Variants in KCNH8 observed in about 807,000 individuals in gnomAD.
The protein encoded by KCNH8 is potassium voltage-gated channel subfamily H member 8.
KCNH8 carries 70 observed loss-of-function variants against 103.6 expected under a neutral mutation model. The observed-to-expected ratio is 0.68, with a 90% CI of 0.56 to 0.82. KCNH8 has a LOEUF of 0.82. Ranked by LOEUF, KCNH8 falls within the 40% of genes least tolerant of loss-of-function variation. The probability of loss-of-function intolerance (pLI) is 0.00; values close to 1 mark genes in which losing one functional copy is unlikely to be tolerated. For synonymous variants in KCNH8, 498 were observed against 489.4 expected (o/e 1.02, Z -0.23); for missense variants, 1,217 against 1,329.9 (o/e 0.92, Z 1.32).
At chr3:19,494,020 A>G (rs1395921022) in intron 11 of KCNH8, among the ~76,000 whole-genome samples, 4 of 152,054 alleles carry the variant, frequency 2.6e-5, no homozygotes, top group African/African-American at 9.7e-5. Context: ...TTCACCCTCA[A>G]GTAGGCCCCA....
intron 1 of KCNH8, among the ~76,000 whole-genome samples, chr3:19,151,032 A>C (rs1318463026): frequency 6.6e-6 from 1 of 151,676 alleles, no homozygotes; most frequent in South Asian, 2.1e-4. Flanking sequence ...TTTCTTTTTG[A>C]ATAGCAGGAT....
At chr3:19,503,075 T>A (rs1301785662) in intron 11 of KCNH8, among the ~76,000 whole-genome samples, 3 of 150,860 alleles carry the variant, frequency 2.0e-5, no homozygotes, top group African/African-American at 7.3e-5. Flanking sequence ...TCAAACAAAT[T>A]TACAAGAAAA....
At position 19,533,953 on chromosome 3, in the gene KCNH8, G is replaced by T. The variant is rs765466883; in HGVS notation, c.3178G>T (p.Val1060Leu). The T allele has an allele frequency of 6.2e-7, 1 of 1,614,062 alleles. No homozygotes were observed. The highest frequency in any genetic ancestry group is 1.1e-5 in the South Asian group (1 of 91,086). Residue 1060 changes from valine (V) to leucine (L), a missense_variant, in exon 16 of 16, where the codon GTG becomes TTG. Physicochemically the swap from Val to Leu is conservative, Grantham distance 32 (BLOSUM62 1). This residue lies in a region of KCNH8 where 558 missense variants were observed against 495.8 expected (regional missense o/e 1.13). Transcript: ENST00000328405. ...SEEGSFSQGT[V>L]SSFSLENLPG... is the part of the protein sequence containing the mutation. ...GGAGGGCAGCTTCAGTCAGGGAACT[G>T]TGAGTTCCTTCAGTCTGGAAAACTT...
At chr3:19,308,809 CCTCTCT>C (rs369279999) in intron 3 of KCNH8, among the ~76,000 whole-genome samples, 2 of 100,862 alleles carry the variant, frequency 2.0e-5, no homozygotes, top group Admixed American at 1.9e-4. Context: ...TCCCTTTCTC[CCTCTCT>C]CTCTCTCTCT....
chr3:19,234,431 G>A (rs1035592902), intron 1 of KCNH8, among the ~76,000 whole-genome samples: 10 of 152,234 alleles, frequency 6.6e-5, no homozygotes, highest in Non-Finnish European at 1.2e-4. Flanking sequence ...CCTGCCCCGC[G>A]AGAAGCCAGC....
chr3:19,287,029 C>T (rs1170881810), intron 3 of KCNH8, among the ~76,000 whole-genome samples: 1 of 151,486 alleles, frequency 6.6e-6, no homozygotes, highest in Non-Finnish European at 1.5e-5. Context: ...GGCAAATAGA[C>T]ATGAGGGTCA....
intron 3 of KCNH8, among the ~76,000 whole-genome samples, chr3:19,333,843 A>G (rs370093729): frequency 2.2e-4 from 34 of 152,222 alleles, no homozygotes; most frequent in South Asian, 1.2e-3. Context: ...AATTCTCTAC[A>G]TGATTCCTCT....
intron 1 of KCNH8, among the ~76,000 whole-genome samples, chr3:19,160,011 A>C (rs2063218643): frequency 6.6e-6 from 1 of 152,142 alleles, no homozygotes; most frequent in Non-Finnish European, 1.5e-5. Context: ...AAAAATGAAA[A>C]ATAAGTTTAA....
chr3:19,279,947 A>G (rs1411720396), intron 2 of KCNH8, among the ~76,000 whole-genome samples: 1 of 152,084 alleles, frequency 6.6e-6, no homozygotes, highest in African/African-American at 2.4e-5. Context: ...TCAACACCCA[A>G]ATAAGACAAG....
intron 3 of KCNH8, among the ~76,000 whole-genome samples, chr3:19,318,688 TATA>T (rs1242878028): frequency 7.0e-6 from 1 of 143,074 alleles, no homozygotes; most frequent in Admixed American, 6.9e-5. Flanking sequence ...CACACACACA[TATA>T]CGGTAGATCT....
chr3:19,194,920 G>A, intron 1 of KCNH8, among the ~76,000 whole-genome samples: 1 of 151,818 alleles, frequency 6.6e-6, no homozygotes, highest in East Asian at 1.9e-4. Context: ...GTTAAGAGGT[G>A]GAATTGCCCA....
chr3:19,474,555 T>G (rs530029682), intron 11 of KCNH8, among the ~76,000 whole-genome samples: 8 of 152,328 alleles, frequency 5.3e-5, no homozygotes, highest in Non-Finnish European at 8.8e-5. Flanking sequence ...CATGTGGTGA[T>G]GACAACTCTG....
chr3:19,333,014 C>T (rs985569853), intron 3 of KCNH8, among the ~76,000 whole-genome samples: 3 of 152,126 alleles, frequency 2.0e-5, no homozygotes, highest in African/African-American at 7.2e-5. Flanking sequence ...GAATTTGATA[C>T]TGTAACTATT....
chr3:19,450,098 C>A lies in KCNH8; in HGVS notation c.1376-8C>A. The stretch of plus-strand genomic sequence containing the variant: ...CTCTTCCATTATATACTGTGTTGTT[C>A]TTTCTAGCCTTGATGCACGCCTTGG... On this transcript the variant is annotated splice_region_variant and splice_polypyrimidine_tract_variant and intron_variant, in intron 8 of 15. Coordinates refer to ENST00000328405, the MANE Select transcript of KCNH8 (RefSeq NM_144633.3). 6.2e-7 allele frequency: 1 copy of A among 1,611,894 alleles called. No individual in the cohort carries two copies. Among genetic ancestry groups the A allele is most frequent in the South Asian group, 1.1e-5 (1 of 90,984 alleles).
At chr3:19,520,250 T>A (rs1436448720) in intron 15 of KCNH8, among the ~76,000 whole-genome samples, 1 of 151,792 alleles carries the variant, frequency 6.6e-6, no homozygotes, top group East Asian at 1.9e-4. Flanking sequence ...ATGACACACA[T>A]CTTTTTATCT....
Position 19,429,159 on chromosome 3 carries a change from ACTC to A in KCNH8, c.1178-9004_1178-9002del, listed in dbSNP as rs1201028563. ...TTTAAATGCATATGAGTCAGAATCCACTCTTTTTTTTTTTTTTTTTTTTTTTTT... is the reference window on the plus strand; with the variant it reads ...TTTAAATGCATATGAGTCAGAATCCATTTTTTTTTTTTTTTTTTTTTTTTT... On this transcript the variant is annotated intron_variant, in intron 7 of 15. Coordinates refer to ENST00000328405, the MANE Select transcript of KCNH8 (RefSeq NM_144633.3). Among the ~76,000 whole-genome samples the A allele has an allele frequency of 3.6e-5, 4 of 109,668 alleles. No homozygotes were observed. In the Admixed American group the frequency reaches 4.2e-4, roughly 12 times the overall value. The allele number at this position is 109,668 out of a possible 152,430, so 71.9% of individuals were successfully genotyped here.
At chr3:19,494,968 C>A (rs551503780) in intron 11 of KCNH8, among the ~76,000 whole-genome samples, 53 of 152,120 alleles carry the variant, frequency 3.5e-4, no homozygotes, top group South Asian at 2.3e-3. Flanking sequence ...AGCATTTTTT[C>A]ATATGTTTTC....
chr3:19,238,540 T>C (rs1242848933), intron 1 of KCNH8, among the ~76,000 whole-genome samples: 1 of 152,214 alleles, frequency 6.6e-6, no homozygotes, highest in African/African-American at 2.4e-5. Context: ...CTTTTTATGA[T>C]TTAATAACCG....
intron 5 of KCNH8, among the ~76,000 whole-genome samples, chr3:19,380,336 G>T (rs1456007284): frequency 6.6e-6 from 1 of 152,164 alleles, no homozygotes; most frequent in African/African-American, 2.4e-5. Flanking sequence ...TCTTTTGATA[G>T]TGTATATTTC....
Sources: allele counts gnomAD v4.1 joint callset (sites outside exome capture counted in the v4.1 genomes callset), GRCh38; gene constraint gnomAD v4.1.1; regional missense constraint gnomAD v4.1.1; transcripts MANE v1.5; gene names NCBI Gene and HGNC (gene_info 2026-07-23, HGNC 2026-07-21).